TBC1D19: variants seen among roughly 807,000 people sequenced by gnomAD.
TBC1D19 encodes the protein TBC1 domain family member 19.
In TBC1D19, 60 loss-of-function variants were observed where a neutral mutation model predicts 89.0. The observed-to-expected ratio is 0.67, with a 90% CI of 0.55 to 0.84. The LOEUF is 0.84. Ranked by LOEUF, TBC1D19 falls within the 40% of genes least tolerant of loss-of-function variation. The pLI is 0.00. For synonymous variants in TBC1D19, 189 were observed against 199.7 expected (o/e 0.95, Z 0.45); for missense variants, 500 against 610.8 (o/e 0.82, Z 1.91).
intron 4 of TBC1D19, among the ~76,000 whole-genome samples, chr4:26,636,639 A>T (rs1284056881): frequency 6.6e-6 from 1 of 152,050 alleles, no homozygotes; most frequent in African/African-American, 2.4e-5. Flanking sequence ...ACAACTGGAA[A>T]ATTTGAGTAT....
At chr4:26,615,245 A>G (rs1741609444) in intron 3 of TBC1D19, among the ~76,000 whole-genome samples, 1 of 152,198 alleles carries the variant, frequency 6.6e-6, no homozygotes. Flanking sequence ...TAAGGTGTAT[A>G]GAACTGTTTG....
At chr4:26,602,031 C>T (rs368927044) in intron 1 of TBC1D19, among the ~76,000 whole-genome samples, 5 of 152,080 alleles carry the variant, frequency 3.3e-5, no homozygotes, top group East Asian at 3.9e-4. Flanking sequence ...AAAAACAAGT[C>T]CCAGAGAACA....
chr4:26,628,981 A>G (rs1404826022), intron 4 of TBC1D19, among the ~76,000 whole-genome samples: 2 of 152,106 alleles, frequency 1.3e-5, no homozygotes, highest in Admixed American at 6.6e-5. Context: ...ATTCTTTATT[A>G]TGGCTTACAA....
At chr4:26,691,442 ATTG>A (rs1714279763) in intron 13 of TBC1D19, among the ~76,000 whole-genome samples, 1 of 152,166 alleles carries the variant, frequency 6.6e-6, no homozygotes, top group African/African-American at 2.4e-5. Flanking sequence ...CAGCAAATTT[ATTG>A]TTGTCTTATT....
chr4:26,743,418 G>A (rs2109319930), intron 18 of TBC1D19, among the ~76,000 whole-genome samples: 1 of 152,138 alleles, frequency 6.6e-6, no homozygotes, highest in African/African-American at 2.4e-5. Flanking sequence ...TTCCATTTCT[G>A]TTAAGCTTTG....
At chr4:26,619,999 G>C (rs1163670172) in intron 3 of TBC1D19, among the ~76,000 whole-genome samples, 3 of 152,174 alleles carry the variant, frequency 2.0e-5, no homozygotes, top group Non-Finnish European at 4.4e-5. Flanking sequence ...TTGTGAAATG[G>C]ATTGGAATCT....
chr4:26,804,098 A>C, the TBC1D19 span, among the ~76,000 whole-genome samples: 2 of 151,974 alleles, frequency 1.3e-5, no homozygotes, highest in Non-Finnish European at 2.9e-5. Context: ...GAAACAAAAA[A>C]AAAAAGCCGC....
At chr4:26,637,554 G>C (rs1743213056) in intron 5 of TBC1D19, among the ~76,000 whole-genome samples, 1 of 151,902 alleles carries the variant, frequency 6.6e-6, no homozygotes, top group Non-Finnish European at 1.5e-5. Context: ...TTGTATTTTT[G>C]ATAGAGACGG....
intron 13 of TBC1D19, among the ~76,000 whole-genome samples, chr4:26,705,886 T>C (rs1381931956): frequency 6.6e-6 from 1 of 152,034 alleles, no homozygotes; most frequent in African/African-American, 2.4e-5. Context: ...AGTTTTTGTT[T>C]TGTTTTGTTT....
At chr4:26,806,810 C>T in the TBC1D19 span, among the ~76,000 whole-genome samples, 3 of 152,276 alleles carry the variant, frequency 2.0e-5, no homozygotes, top group Non-Finnish European at 4.4e-5. Flanking sequence ...GGAAGAAACT[C>T]GTCTGACGGC....
At chr4:26,778,143 C>T in the TBC1D19 span, among the ~76,000 whole-genome samples, 36 of 147,628 alleles carry the variant, frequency 2.4e-4, no homozygotes, top group East Asian at 6.3e-3. Flanking sequence ...AGGCCGGACA[C>T]AGTGGCTCAT....
chr4:26,675,191 C>T (rs1002840268), intron 11 of TBC1D19, among the ~76,000 whole-genome samples: 2 of 152,002 alleles, frequency 1.3e-5, no homozygotes, highest in Non-Finnish European at 2.9e-5. Flanking sequence ...TGTAGATGCA[C>T]TGCCAACTTA....
chr4:26,661,307 T>C (rs1274855160), intron 8 of TBC1D19, among the ~76,000 whole-genome samples: 1 of 152,112 alleles, frequency 6.6e-6, no homozygotes, highest in Non-Finnish European at 1.5e-5. Flanking sequence ...TTAACACCAC[T>C]ACCCTACTTT....
Position 26,663,113 on chromosome 4 carries a change from C to G in TBC1D19, c.592-3220C>G, listed in dbSNP as rs571222367. The G allele has an allele frequency of 3.3e-5, 5 of 152,198 alleles. No individual in the cohort carries two copies. The East Asian group carries it at 9.7e-4, about 29-fold the overall frequency. The allele number at this position is 152,198 out of a possible 1,614,324, so 9.4% of individuals were successfully genotyped here. A position where few individuals can be genotyped will look rare whatever the true frequency, so the allele number is the denominator to read the frequency against. ...GTACAGATGATCTCACAGGCTTGAC[C>G]ACATGCAAAATTATATTAAGGAGGG... On this transcript the variant is annotated intron_variant, in intron 8 of 20. Coordinates refer to ENST00000264866, the MANE Select transcript of TBC1D19 (RefSeq NM_018317.4).
intron 15 of TBC1D19, among the ~76,000 whole-genome samples, chr4:26,729,463 G>A (rs1717520526): frequency 6.6e-6 from 1 of 152,226 alleles, no homozygotes; most frequent in African/African-American, 2.4e-5. Context: ...TGAAATCATA[G>A]TGTTGGAAAT....
At chr4:26,697,054 T>C (rs1418489494) in intron 13 of TBC1D19, among the ~76,000 whole-genome samples, 1 of 151,990 alleles carries the variant, frequency 6.6e-6, no homozygotes. Flanking sequence ...CCTTCAGAAA[T>C]CAATGAATCC....
In TBC1D19 at chr4:26,681,638, A is replaced by T. The variant is rs1050053181; in HGVS notation, c.817-2037A>T. Among the ~76,000 whole-genome samples, 6 of 152,344 alleles carry T rather than the reference A, an allele frequency of 3.9e-5. No individual in the cohort carries two copies. The South Asian group carries it at 8.3e-4, about 21-fold the overall frequency. Reference sequence around the variant, plus strand: ...AGATATAAAAACATAGTGCCTAAGGATATTTATTACAACATTATTTGTAGG... The same window carrying T: ...AGATATAAAAACATAGTGCCTAAGGTTATTTATTACAACATTATTTGTAGG... On this transcript the variant is annotated intron_variant, in intron 11 of 20. Coordinates refer to ENST00000264866, the MANE Select transcript of TBC1D19 (RefSeq NM_018317.4).
chr4:26,836,461 A>T, the TBC1D19 span, among the ~76,000 whole-genome samples: 1 of 152,150 alleles, frequency 6.6e-6, no homozygotes, highest in South Asian at 2.1e-4. Context: ...TTCAGGGAAT[A>T]TGTAGTGTTT....
intron 4 of TBC1D19, among the ~76,000 whole-genome samples, chr4:26,634,636 G>A (rs560835326): frequency 3.9e-5 from 6 of 152,092 alleles, no homozygotes; most frequent in Non-Finnish European, 8.8e-5. Context: ...ACCATGTATA[G>A]TCTGAAAGTA....
Sources: gnomAD v4.1 joint callset for allele counts (sites outside exome capture counted in the v4.1 genomes callset) on GRCh38, gnomAD v4.1.1 for gene constraint, MANE v1.5 for transcripts, NCBI Gene and HGNC (gene_info 2026-07-23, HGNC 2026-07-21) for gene names.